HERC1: variants seen among roughly 807,000 people sequenced by gnomAD.
HERC1 encodes HECT and RLD domain containing E3 ubiquitin protein ligase family member 1.
In HERC1, 160 loss-of-function variants were observed where a neutral mutation model predicts 554.3. That is an observed-to-expected ratio of 0.29 (90% CI 0.25 to 0.33). HERC1 has a LOEUF of 0.33. Ranked by LOEUF, HERC1 falls within the 10% of genes least tolerant of loss-of-function variation. The pLI, the probability that HERC1 is intolerant of heterozygous loss-of-function variation, is 1.00. For missense variants in HERC1, 4,919 were observed against 5,918.5 expected (o/e 0.83, Z 5.54); for synonymous variants, 2,175 against 2,131.7 (o/e 1.02, Z -0.56).
At chr15:63,697,498 A>G (rs753218903) in intron 26 of HERC1, among the ~76,000 whole-genome samples, 5 of 133,070 alleles carry the variant, frequency 3.8e-5, no homozygotes, top group Non-Finnish European at 7.7e-5. Context: ...CTTGTTGCCC[A>G]GGCTGGAGTG....
intron 24 of HERC1, among the ~76,000 whole-genome samples, chr15:63,707,926 CTCAAAAAAAA>C: frequency 1.7e-5 from 1 of 57,546 alleles, no homozygotes; most frequent in African/African-American, 8.4e-5. Context: ...AAGACTCCCT[CTCAAAAAAAA>C]AAAAAAAAAA....
At position 63,690,545 on chromosome 15, in the gene HERC1, G is replaced by C. The variant is rs777882194; in HGVS notation, c.5933C>G (p.Ala1978Gly). The change falls in exon 32 of 78, where the codon GCC (alanine) becomes GGC (glycine). Residue 1978 changes from alanine to glycine, a missense_variant. Transcript: ENST00000443617. ...CESGVEDDQMAQIVERLFSLL... is the reference protein window; with the variant it reads ...CESGVEDDQMGQIVERLFSLL... ...AATAATTTTAAAAATAAAAACCTGG[G>C]CCATTTGATCATCTTCTACACCAGA... 12 of 1,592,714 alleles carry C rather than the reference G, an allele frequency of 7.5e-6. No homozygotes were observed. The Admixed American group carries it at 2.1e-4, about 28-fold the overall frequency.
intron 1 of HERC1, among the ~76,000 whole-genome samples, chr15:63,819,963 G>C (rs1437052942): frequency 6.6e-6 from 1 of 152,066 alleles, no homozygotes; most frequent in African/African-American, 2.4e-5. Context: ...ATAATACATG[G>C]AAAAACGCTA....
At chr15:63,806,926 T>C (rs1300006269) in intron 1 of HERC1, among the ~76,000 whole-genome samples, 1 of 152,202 alleles carries the variant, frequency 6.6e-6, no homozygotes, top group Non-Finnish European at 1.5e-5. Context: ...TTTTATATTT[T>C]TAGTAGAGAC....
intron 3 of HERC1, among the ~76,000 whole-genome samples, chr15:63,763,057 G>A (rs1010045540): frequency 6.6e-6 from 1 of 152,088 alleles, no homozygotes. Context: ...AATAAATACC[G>A]TGGGGTCCCA....
At chr15:63,667,294 T>A (rs1157920720) in intron 40 of HERC1, among the ~76,000 whole-genome samples, 1 of 152,230 alleles carries the variant, frequency 6.6e-6, no homozygotes, top group Non-Finnish European at 1.5e-5. Flanking sequence ...ATTTGCTAAT[T>A]CAGTGTTCAT....
Position 63,725,489 on chromosome 15 carries a change from G to C in HERC1, c.3371C>G (p.Ala1124Gly), listed in dbSNP as rs746316499. 2 of 1,613,846 alleles carry C rather than the reference G, an allele frequency of 1.2e-6. No individual in the cohort carries two copies. The highest frequency in any genetic ancestry group is 1.1e-5 in the South Asian group (1 of 91,082). Residue 1124 changes from alanine to glycine, a missense_variant, in exon 18 of 78, where the codon GCT (alanine) becomes GGT (glycine). Ala to Gly is a moderately conservative substitution (Grantham distance 60). Coordinates refer to ENST00000443617, the MANE Select transcript of HERC1 (RefSeq NM_003922.4). ...AGCTGGCTGAGGTAATGGCAGACCA[G>C]CAGGATCAATTAGTTCTGGCCCTCC... is the stretch of plus-strand genomic sequence containing the variant. ...LHGGPELIDP[A>G]GLPLPQPAQS...
rs1309939652 is a variant in HERC1, at chr15:63,666,095, T to A, written c.8379A>T (p.Ile2793=). ...CTTCATCCTCATGCCCAGGGTGCTC[T>A]ATCATCCACATGGCAAGGACAGTGA... ...QNITVLAMWM[I]EHPGHEDEEE... is the part of the protein sequence containing the mutation. Residue 2793 remains isoleucine, a synonymous_variant, in exon 42 of 78, where the codon ATA becomes ATT. Transcript: ENST00000443617. 6.2e-7 allele frequency: 1 copy of A among 1,614,028 alleles called. No homozygotes were observed. Among genetic ancestry groups the A allele is most frequent in the Non-Finnish European group, 8.5e-7 (1 of 1,179,888 alleles).
In HERC1 at chr15:63,787,960, CAAAAAAA is replaced by C. The variant is rs375499946; in HGVS notation, c.-26-12318_-26-12312del. On this transcript the variant is annotated intron_variant, in intron 1 of 77. Transcript: ENST00000443617. ...TTGGCGACAGGGTGAGACCCTGTCT[CAAAAAAA>C]AAAAAAAAAAAAAAAGACAAAACAA... Among the ~76,000 whole-genome samples the C allele has an allele frequency of 2.1e-3, 97 of 45,662 alleles. No homozygotes were observed. In the South Asian group the frequency reaches 0.064, roughly 30 times the overall value. 30.0% of individuals were successfully genotyped at this position (45,662 alleles called of 152,430 possible). A position where few individuals can be genotyped will look rare whatever the true frequency, so the allele number is the denominator to read the frequency against.
At chr15:63,814,939 TGAA>T (rs769118344) in intron 1 of HERC1, among the ~76,000 whole-genome samples, 35 of 152,220 alleles carry the variant, frequency 2.3e-4, no homozygotes, top group Admixed American at 1.2e-3. Context: ...TACAAGTTCA[TGAA>T]TAAAACTGTA....
chr15:63,718,896 A>G lies in HERC1; in HGVS notation c.3744T>C (p.Asp1248=), dbSNP rs772866452. 1.9e-6 allele frequency: 3 copies of G among 1,586,986 alleles called. No individual in the cohort carries two copies. The highest frequency in any genetic ancestry group is 1.1e-5 in the South Asian group (1 of 87,962). ...ISMQDYAVSK[D]WDSATLSNES... ...CATTACTTAAAGTTGCACTGTCCCA[A>G]TCTGAAAATAAAAATGATGCATTGA... Residue 1248 remains aspartate (D), a splice_region_variant and synonymous_variant, in exon 20 of 78, where the codon GAT becomes GAC. Coordinates refer to ENST00000443617, the MANE Select transcript of HERC1 (RefSeq NM_003922.4). The surrounding 1 kb of genome is among the most constrained non-coding windows in gnomAD (Gnocchi z 4.2).
chr15:63,669,353 G>GA (rs1330662586), intron 40 of HERC1, among the ~76,000 whole-genome samples, 185 bp downstream of exon 40: 2 of 152,180 alleles, frequency 1.3e-5, no homozygotes, highest in African/African-American at 4.8e-5. Context: ...ATTTCTCTCC[G>GA]AAATGGCCAT....
chr15:63,735,398 G>A (rs2074458051), intron 12 of HERC1, among the ~76,000 whole-genome samples: 1 of 109,994 alleles, frequency 9.1e-6, no homozygotes, highest in Non-Finnish European at 1.7e-5. Flanking sequence ...CTGTTGTGGG[G>A]TGGGGGGAGG....
intron 71 of HERC1, 47 bp from the exon 72 acceptor site, chr15:63,624,374 A>G: frequency 1.3e-6 from 2 of 1,492,680 alleles, no homozygotes; most frequent in Non-Finnish European, 1.8e-6. Context: ...TCTAGGCTTA[A>G]AAGAAATAAC....
At chr15:63,707,947 AAAAAAAG>A (rs2073101642) in intron 24 of HERC1, among the ~76,000 whole-genome samples, 2 of 148,708 alleles carry the variant, frequency 1.3e-5, no homozygotes, top group Non-Finnish European at 3.0e-5. Context: ...AAAAAAAAAA[AAAAAAAG>A]AAGAAGTGAC....
intron 1 of HERC1, among the ~76,000 whole-genome samples, chr15:63,815,826 A>G (rs1344131639): frequency 1.3e-5 from 2 of 152,188 alleles, no homozygotes; most frequent in African/African-American, 2.4e-5. Flanking sequence ...CAGGGCTGGA[A>G]AGGCCTCAGA....
chr15:63,801,454 T>G (rs970779707), intron 1 of HERC1, among the ~76,000 whole-genome samples: 6 of 152,198 alleles, frequency 3.9e-5, no homozygotes, highest in African/African-American at 7.2e-5. Flanking sequence ...GTTGAAGAAC[T>G]GATTGGTGTA....
rs758864094 is a variant in HERC1 at position 63,675,051 on chromosome 15, C to T, written c.7137G>A (p.Pro2379=). Residue 2379 remains proline, a synonymous_variant, in exon 38 of 78, where the codon CCG becomes CCA. Transcript: ENST00000443617. ...LYNLEPCEPL[P]FDVARFRGLT... The stretch of plus-strand genomic sequence containing the variant: ...GGCCTCGGAATCGCGCCACATCAAA[C>T]GGCAATGGTTCACAGGGTTCCAGAT... 5.0e-6 allele frequency: 8 copies of T among 1,613,844 alleles called. No homozygotes were observed. The highest frequency in any genetic ancestry group is 3.3e-5 in the South Asian group (3 of 91,082).
intron 25 of HERC1, among the ~76,000 whole-genome samples, chr15:63,702,419 T>C (rs1235140054): frequency 6.6e-6 from 1 of 152,200 alleles, no homozygotes; most frequent in Admixed American, 6.5e-5. Context: ...GGGGCGATAA[T>C]CAAACCACAC....
Sources: allele counts gnomAD v4.1 joint callset (sites outside exome capture counted in the v4.1 genomes callset), GRCh38; gene constraint gnomAD v4.1.1; non-coding constraint Gnocchi (gnomAD v3.1); transcripts MANE v1.5; gene names NCBI Gene and HGNC (gene_info 2026-07-23, HGNC 2026-07-21).